ZNF83: variants seen among roughly 807,000 people sequenced by gnomAD.
ZNF83 encodes zinc finger protein 83, also known as zinc finger protein 816B.
For synonymous variants in ZNF83, 209 were observed against 213.0 expected, an observed-to-expected ratio of 0.98 and a Z score of 0.17; for missense variants, 552 against 629.9, an observed-to-expected ratio of 0.88 and a Z score of 1.32.
chr19:52,677,838 C>A (rs975815123), intron 1 of ZNF83, among the ~76,000 whole-genome samples: 1 of 151,866 alleles, frequency 6.6e-6, no homozygotes, highest in African/African-American at 2.4e-5. Flanking sequence ...TCAAGACCAG[C>A]CTGACTAGCA....
At chr19:52,637,077 C>G (rs2061173482) in intron 1 of ZNF83, 1 of 150,682 alleles carries the variant, frequency 6.6e-6, no homozygotes, top group African/African-American at 2.5e-5. Context: ...TCATTTTGTA[C>G]CCCTCTCCTC....
upstream of ZNF83, among the ~76,000 whole-genome samples, chr19:52,641,886 A>C (rs2061310740): frequency 6.6e-6 from 1 of 152,184 alleles, no homozygotes; most frequent in Admixed American, 6.5e-5. Flanking sequence ...CAATCAATAC[A>C]TATAAGATGT....
chr19:52,672,203 C>T (rs1424979096), intron 1 of ZNF83, among the ~76,000 whole-genome samples: 1 of 152,078 alleles, frequency 6.6e-6, no homozygotes, highest in Non-Finnish European at 1.5e-5. Flanking sequence ...CACAGCTCTC[C>T]AGCCTGAGCA....
intron 1 of ZNF83, among the ~76,000 whole-genome samples, chr19:52,684,363 A>G (rs532524032): frequency 1.3e-5 from 2 of 151,920 alleles, no homozygotes; most frequent in South Asian, 4.2e-4. Context: ...GAGACTCAAA[A>G]ATAAAATATA....
intron 1 of ZNF83, among the ~76,000 whole-genome samples, chr19:52,665,569 T>C (rs753615037): frequency 5.9e-5 from 9 of 152,212 alleles, no homozygotes; most frequent in Non-Finnish European, 1.0e-4. Flanking sequence ...TTATTTGCCT[T>C]CTACTTTTAA....
intron 3 of ZNF83, among the ~76,000 whole-genome samples, chr19:52,645,038 G>A (rs2061355102): frequency 6.7e-6 from 1 of 149,894 alleles, no homozygotes; most frequent in South Asian, 2.1e-4. Flanking sequence ...AAAAGGGGGT[G>A]CTTTTGGCAC....
At chr19:52,638,603 T>C (rs904476409), upstream of ZNF83, among the ~76,000 whole-genome samples, 3 of 152,270 alleles carry the variant, frequency 2.0e-5, no homozygotes, top group Admixed American at 6.5e-5. Context: ...TGGAATTATC[T>C]GGAACGGGGA....
At chr19:52,618,783 G>A (rs560202350) in intron 2 of ZNF83, 2 of 1,287,144 alleles carry the variant, frequency 1.6e-6, no homozygotes, top group East Asian at 2.4e-5. Flanking sequence ...AGGGGACAGT[G>A]AAAGTCCAGA....
intron 1 of ZNF83, chr19:52,637,085 C>G (rs2061173905): frequency 6.6e-6 from 1 of 152,100 alleles, no homozygotes. Flanking sequence ...TACCCCTCTC[C>G]TCTCCTGCTG....
intron 3 of ZNF83, among the ~76,000 whole-genome samples, chr19:52,647,627 C>G (rs188400587): frequency 3.5e-4 from 52 of 147,746 alleles, no homozygotes; most frequent in Non-Finnish European, 6.8e-4. Context: ...CTGTAAATAT[C>G]TCTCATTCTC....
At position 52,648,374 on chromosome 19, in the gene ZNF83, TAA is replaced by T. The variant is rs748662773; in HGVS notation, c.-74+7185_-74+7186del. Among the ~76,000 whole-genome samples, 222 of 152,248 alleles carry T rather than the reference TAA, an allele frequency of 1.5e-3. 4 individuals carry two copies. The highest frequency in any genetic ancestry group is 8.4e-4 in the Non-Finnish European group (57 of 68,004). ...TAGCAGCTCACTTCAAGGAAAGTTATAAGATAACGCTGTCCAAAAAGCTAAGG... is the reference window on the plus strand; with the variant it reads ...TAGCAGCTCACTTCAAGGAAAGTTATGATAACGCTGTCCAAAAAGCTAAGG... On this transcript the variant is annotated intron_variant, in intron 3 of 5. Coordinates refer to the ZNF83 transcript ENST00000594682.
rs374837649 is a variant in ZNF83, at chr19:52,687,633, G to A, written c.-283+2810C>T. Among the ~76,000 whole-genome samples, 268 of 27,840 alleles carry A rather than the reference G, an allele frequency of 9.6e-3. 48 individuals are homozygous for A. The highest frequency in any genetic ancestry group is 0.04 in the Middle Eastern group (2 of 50). The allele number at this position is 27,840 out of a possible 152,430, so 18.3% of individuals were successfully genotyped here. A position where few individuals can be genotyped will look rare whatever the true frequency, so the allele number is the denominator to read the frequency against. ...TATAATGTGTATATATATATATAAT[G>A]TATATATATATATATATATATATAA... On this transcript the variant is annotated intron_variant, in intron 1 of 5. Coordinates refer to the ZNF83 transcript ENST00000594682.
chr19:52,680,378 C>T (rs1193017730), intron 1 of ZNF83, among the ~76,000 whole-genome samples: 1 of 152,098 alleles, frequency 6.6e-6, no homozygotes, highest in East Asian at 1.9e-4. Flanking sequence ...ATTTCCACTC[C>T]TCCAAAGAGA....
chr19:52,629,440 T>A (rs894151892), intron 2 of ZNF83, among the ~76,000 whole-genome samples: 1 of 151,922 alleles, frequency 6.6e-6, no homozygotes, highest in Non-Finnish European at 1.5e-5. Flanking sequence ...ACTCTTCCCC[T>A]CCTCCCCAGG....
intron 3 of ZNF83, chr19:52,651,208 G>C (rs1404260498): frequency 6.6e-6 from 1 of 152,200 alleles, no homozygotes; most frequent in Non-Finnish European, 1.5e-5. Context: ...AATTCCATAT[G>C]ACCATCAGTG....
At chr19:52,613,335 G>A in exon 3 of ZNF83, 1 of 1,614,028 alleles carries the variant, frequency 6.2e-7, no homozygotes, top group Non-Finnish European at 8.5e-7. Context: ...AATTTTGACT[G>A]AAGACTTTGC....
chr19:52,614,178 G>A, exon 3 of ZNF83: 3 of 1,614,012 alleles, frequency 1.9e-6, no homozygotes, highest in Non-Finnish European at 2.5e-6. Context: ...TTTTATTGAA[G>A]ATCTTGCCAC....
chr19:52,672,572 T>A (rs537433661), intron 1 of ZNF83, among the ~76,000 whole-genome samples: 40 of 152,324 alleles, frequency 2.6e-4, no homozygotes, highest in Non-Finnish European at 4.4e-4. Context: ...ACATAGCACC[T>A]CATCTTTATG....
intron 1 of ZNF83, among the ~76,000 whole-genome samples, chr19:52,685,472 A>C (rs1256516047): frequency 1.3e-5 from 2 of 152,170 alleles, no homozygotes; most frequent in Non-Finnish European, 2.9e-5. Context: ...CCTGACATTT[A>C]ATTCTTCCTT....
Sources: allele counts gnomAD v4.1 joint callset (sites outside exome capture counted in the v4.1 genomes callset), GRCh38; gene constraint gnomAD v4.1.1; transcripts MANE v1.5; gene names NCBI Gene and HGNC (gene_info 2026-07-23, HGNC 2026-07-21).